The following LARP1 variants were observed in gnomAD, a reference collection of about 807,000 sequenced individuals.
LARP1 encodes the protein la-related protein 1.
A neutral mutation model predicts 122.7 loss-of-function variants in LARP1; 36 were observed. The ratio of observed to expected loss-of-function variants is 0.29; its 90% CI spans 0.22 to 0.39. The LOEUF (loss-of-function observed/expected upper bound fraction) is 0.39. Among genes scored for constraint, LARP1 ranks in the 10% least tolerant of loss-of-function variants. LARP1 has a pLI of 1.00. For missense variants in LARP1, 1,040 were observed against 1,403.6 expected (o/e 0.74, Z 4.14); for synonymous variants, 539 against 528.7 (o/e 1.02, Z -0.27).
rs1267100944 is a variant in LARP1, at chr5:154,808,572, C to T, written c.2812C>T (p.Leu938=). ...AAAGATGTATGAGGAGTTCAAGCAGCTGGCTCTGGAGGACGCCAAAGAAGG... is the reference window on the plus strand; with the variant it reads ...AAAGATGTATGAGGAGTTCAAGCAGTTGGCTCTGGAGGACGCCAAAGAAGG... ...NKKMYEEFKQ[L]ALEDAKEGYR... The change falls in exon 16 of 19, where the codon CTG becomes TTG. Residue 938 remains leucine, a synonymous_variant. Coordinates refer to ENST00000518297, the MANE Select transcript of LARP1 (RefSeq NM_033551.3). 6.2e-7 allele frequency: 1 copy of T among 1,613,602 alleles called. No individual in the cohort carries two copies. The highest frequency in any genetic ancestry group is 2.2e-5 in the East Asian group (1 of 44,860).
intron 3 of LARP1, among the ~76,000 whole-genome samples, chr5:154,792,318 A>G (rs1482898832): frequency 6.6e-6 from 1 of 152,198 alleles, no homozygotes; most frequent in African/African-American, 2.4e-5. Flanking sequence ...TACCTAGACA[A>G]CATGGCCCTG....
At chr5:154,808,353 G>A (rs1758966667) in intron 15 of LARP1, 106 bp from the exon 16 acceptor site, 2 of 1,353,650 alleles carry the variant, frequency 1.5e-6, no homozygotes, top group Admixed American at 4.5e-5. Context: ...GAGGGGATTT[G>A]GAAGTACATG....
intron 1 of LARP1, among the ~76,000 whole-genome samples, chr5:154,689,919 A>G (rs1001071783): frequency 6.6e-6 from 1 of 152,190 alleles, no homozygotes; most frequent in Non-Finnish European, 1.5e-5. Flanking sequence ...TCCACTAAAA[A>G]TACAAAAAAA....
At chr5:154,720,054 G>A (rs1755764494) in intron 1 of LARP1, among the ~76,000 whole-genome samples, 1 of 151,992 alleles carries the variant, frequency 6.6e-6, no homozygotes, top group Admixed American at 6.6e-5. Flanking sequence ...AGCCAGGCGT[G>A]ATGGCATGTG....
intron 1 of LARP1, among the ~76,000 whole-genome samples, chr5:154,737,344 GTGT>G (rs1476832057): frequency 6.6e-6 from 1 of 151,108 alleles, no homozygotes; most frequent in South Asian, 2.1e-4. Flanking sequence ...CCTGGCCAAT[GTGT>G]TGTTTTAATG....
At chr5:154,749,261 G>A (rs1230187966) in intron 1 of LARP1, among the ~76,000 whole-genome samples, 1 of 152,184 alleles carries the variant, frequency 6.6e-6, no homozygotes, top group Non-Finnish European at 1.5e-5. Flanking sequence ...ACTCCAGGGA[G>A]GGTAGTGGGG....
rs138286059 is a variant in LARP1 at position 154,748,233 on chromosome 5, C to T, written c.205+35103C>T. ...ATATAAATATAATTTAGCACTTGGC[C>T]TTTGACAGTGTTGCTCTGGTTGCCA... On this transcript the variant is annotated intron_variant, in intron 1 of 18. Coordinates refer to the LARP1 transcript ENST00000336314. Among the ~76,000 whole-genome samples the T allele has an allele frequency of 2.4e-3, 371 of 152,276 alleles. 2 individuals carry two copies. The highest frequency in any genetic ancestry group is 8.3e-3 in the African/African-American group (346 of 41,542).
intron 1 of LARP1, among the ~76,000 whole-genome samples, chr5:154,744,300 C>T (rs558514722): frequency 6.6e-6 from 1 of 152,264 alleles, no homozygotes; most frequent in Non-Finnish European, 1.5e-5. Context: ...TACCTCATTC[C>T]TCCCACTCTC....
At chr5:154,752,747 T>C (rs1393339447), upstream of LARP1, among the ~76,000 whole-genome samples, 1 of 151,786 alleles carries the variant, frequency 6.6e-6, no homozygotes, top group Non-Finnish European at 1.5e-5. Flanking sequence ...GAGACTAGCC[T>C]GGCCATTATG....
intron 15 of LARP1, among the ~76,000 whole-genome samples, chr5:154,806,659 G>T (rs976592335): frequency 3.3e-5 from 5 of 152,190 alleles, no homozygotes; most frequent in African/African-American, 1.2e-4. Context: ...TATTCTGATA[G>T]GTTGGCTGTA....
At chr5:154,711,418 G>A (rs1755216616), upstream of LARP1, among the ~76,000 whole-genome samples, 1 of 152,158 alleles carries the variant, frequency 6.6e-6, no homozygotes, top group South Asian at 2.1e-4. Flanking sequence ...GGGATTACAG[G>A]CGTGAGCCAC....
intron 1 of LARP1, among the ~76,000 whole-genome samples, chr5:154,715,341 C>T (rs1343847624): frequency 2.8e-5 from 4 of 144,776 alleles, no homozygotes; most frequent in African/African-American, 1.0e-4. Flanking sequence ...CTCGGCTCAC[C>T]GCAACCTCCG....
chr5:154,706,078 C>T (rs1356526078), intron 1 of LARP1, among the ~76,000 whole-genome samples: 3 of 151,808 alleles, frequency 2.0e-5, no homozygotes, highest in East Asian at 1.9e-4. Context: ...AGCAGATCAC[C>T]TGAGGTCAGG....
In LARP1 at chr5:154,790,727, G is replaced by C; in HGVS notation, c.564+17G>C. ...AGTGTTCAGGTGAGTCTGTGTGGAA[G>C]AATAGGCAGGTTTGAAGTCTCTTGA... On this transcript the variant is annotated intron_variant, in intron 3 of 18. Transcript: ENST00000518297. 1.9e-6 allele frequency: 3 copies of C among 1,612,940 alleles called. No homozygotes were observed. Among genetic ancestry groups the C allele is most frequent in the Non-Finnish European group, 2.5e-6 (3 of 1,178,870 alleles).
intron 1 of LARP1, among the ~76,000 whole-genome samples, chr5:154,697,821 T>TTTG (rs938673175): frequency 6.6e-6 from 1 of 151,982 alleles, no homozygotes; most frequent in Non-Finnish European, 1.5e-5. Context: ...TTGTTTTTTG[T>TTTG]TTGTTGTTGT....
At chr5:154,695,041 C>T (rs1225150589) in intron 1 of LARP1, among the ~76,000 whole-genome samples, 5 of 151,104 alleles carry the variant, frequency 3.3e-5, no homozygotes, top group Non-Finnish European at 7.4e-5. Flanking sequence ...CTAGGCTGGG[C>T]ACGGTGGCTC....
intron 1 of LARP1, among the ~76,000 whole-genome samples, chr5:154,784,288 G>A (rs892784719): frequency 3.9e-5 from 6 of 152,194 alleles, no homozygotes; most frequent in Admixed American, 2.0e-4. Context: ...TAAGTAACCA[G>A]CCCATTTAAC....
At chr5:154,711,528 T>C (rs140288074), upstream of LARP1, among the ~76,000 whole-genome samples, 58 of 152,262 alleles carry the variant, frequency 3.8e-4, no homozygotes, top group African/African-American at 1.3e-3. Context: ...TATAGCAGTG[T>C]AGGCTACCAG....
In LARP1 at chr5:154,811,337, G is replaced by A. The variant is rs1019852393; in HGVS notation, c.2934G>A (p.Thr978=). The A allele has an allele frequency of 3.1e-6, 5 of 1,614,156 alleles. No homozygotes were observed. Among genetic ancestry groups the A allele is most frequent in the African/African-American group, 1.3e-5 (1 of 75,048 alleles). ...TATTCAAGGATTTTCAGGAGGAAACGGTGAAGGACTATGAAGCTGGTAAGA... is the reference window on the plus strand; with the variant it reads ...TATTCAAGGATTTTCAGGAGGAAACAGTGAAGGACTATGAAGCTGGTAAGA... ...LDIFKDFQEE[T]VKDYEAGQLY... Residue 978 remains threonine, a synonymous_variant, in exon 17 of 19, where the codon ACG becomes ACA. Coordinates refer to ENST00000518297, the MANE Select transcript of LARP1 (RefSeq NM_033551.3).
Sources: gnomAD v4.1 joint callset for allele counts (sites outside exome capture counted in the v4.1 genomes callset) on GRCh38, gnomAD v4.1.1 for gene constraint, MANE v1.5 for transcripts, NCBI Gene and HGNC (gene_info 2026-07-23, HGNC 2026-07-21) for gene names.